The following EPX variants were observed in gnomAD, a reference collection of about 807,000 sequenced individuals.
The protein encoded by EPX is eosinophil peroxidase.
Under a neutral mutation model 73.0 loss-of-function variants are expected in EPX, and 60 were observed. That is an observed-to-expected ratio of 0.82 (90% CI 0.67 to 1.02). The LOEUF is 1.02. Among genes scored for constraint, EPX ranks in the 50% least tolerant of loss-of-function variants. The pLI is 0.00. For missense variants in EPX, 950 were observed against 973.9 expected (o/e 0.98, Z 0.33); for synonymous variants, 347 against 389.2 (o/e 0.89, Z 1.28).
Position 58,193,776 on chromosome 17 carries a change from C to G in EPX, c.409C>G (p.Gln137Glu), listed in dbSNP as rs563560397. The G allele has an allele frequency of 1.5e-5, 24 of 1,613,050 alleles. No homozygotes were observed. In the Admixed American group the frequency reaches 2.8e-4, roughly 19 times the overall value. Reference sequence around the variant, plus strand: ...GGCCAGTGGCTGTGCTCTCCGGGACCAGGCCGAGCGCTGCAGCGACAAGTA... The same window carrying G: ...GGCCAGTGGCTGTGCTCTCCGGGACGAGGCCGAGCGCTGCAGCGACAAGTA... ...SQASGCALRDQAERCSDKYRT... is the reference protein window; with the variant it reads ...SQASGCALRDEAERCSDKYRT... Residue 137 changes from glutamine to glutamate, a missense_variant, in exon 4 of 13, where the codon CAG becomes GAG. Coordinates refer to ENST00000225371, the MANE Select transcript of EPX (RefSeq NM_000502.6).
chr17:58,200,814 C>T (rs1169279460), intron 10 of EPX, among the ~76,000 whole-genome samples: 6 of 152,168 alleles, frequency 3.9e-5, no homozygotes, highest in African/African-American at 1.4e-4. Flanking sequence ...GGCAAAGAGC[C>T]TTAGAGGCAG....
intron 7 of EPX, 101 bp downstream of exon 7, chr17:58,197,358 A>G: frequency 7.2e-7 from 1 of 1,397,774 alleles, no homozygotes; most frequent in Admixed American, 1.8e-5. Context: ...ATGGTTTGGG[A>G]CCTCAGTATT....
intron 10 of EPX, among the ~76,000 whole-genome samples, chr17:58,201,873 C>A (rs1597969115): frequency 6.6e-6 from 1 of 152,280 alleles, no homozygotes; most frequent in East Asian, 1.9e-4. Context: ...GAGCTGAGAT[C>A]GCTAGCCACC....
chr17:58,195,222 C>A, intron 6 of EPX, 52 bp downstream of exon 6: 1 of 1,432,814 alleles, frequency 7.0e-7, no homozygotes, highest in Non-Finnish European at 9.8e-7. Flanking sequence ...CCCCCAAAGG[C>A]AAGGTGCTGG....
rs1316707843 is a variant in EPX at position 58,197,132 on chromosome 17, T to C, written c.995T>C (p.Leu332Pro). 3 of 1,614,170 alleles carry C rather than the reference T, an allele frequency of 1.9e-6. No individual in the cohort carries two copies. Among genetic ancestry groups the C allele is most frequent in the South Asian group, 1.1e-5 (1 of 91,082 alleles). Residue 332 changes from leucine to proline, a missense_variant, in exon 7 of 13, where the codon CTG (leucine) becomes CCG (proline). By Grantham distance (98) the Leu-to-Pro change is moderately conservative. Transcript: ENST00000225371. ...SLRLRNRTNYLGLLAINQRFQ... is the reference protein window; with the variant it reads ...SLRLRNRTNYPGLLAINQRFQ... ...CGGCTCCGCAACCGGACCAACTACC[T>C]GGGGCTGCTGGCCATCAACCAGCGC...
rs186927462 is a variant in EPX, at chr17:58,197,010, C to T, written c.873C>T (p.Cys291=). 237 of 1,614,126 alleles carry T rather than the reference C, an allele frequency of 1.5e-4. No homozygotes were observed. The highest frequency in any genetic ancestry group is 1.9e-4 in the Non-Finnish European group (226 of 1,180,006). ...CTTTCTTCCGCTCGGCACCCTCATGCCCCCAAAACAAGAACAGAGTCCGCA... is the reference window on the plus strand; with the variant it reads ...CTTTCTTCCGCTCGGCACCCTCATGTCCCCAAAACAAGAACAGAGTCCGCA... ...CIPFFRSAPS[C]PQNKNRVRNQ... The change falls in exon 7 of 13, where the codon TGC becomes TGT. Residue 291 remains cysteine, a synonymous_variant. Coordinates refer to ENST00000225371, the MANE Select transcript of EPX (RefSeq NM_000502.6).
intron 2 of EPX, 71 bp from the exon 3 acceptor site, chr17:58,193,300 C>A: frequency 6.7e-7 from 1 of 1,492,660 alleles, no homozygotes; most frequent in Non-Finnish European, 9.3e-7. Flanking sequence ...CCTGACTGTG[C>A]CCCAGGACTG....
chr17:58,199,588 C>T lies in EPX; in HGVS notation c.1331C>T (p.Ala444Val). 1 of 1,614,162 alleles carries T rather than the reference C, an allele frequency of 6.2e-7. No homozygotes were observed. The highest frequency in any genetic ancestry group is 8.5e-7 in the Non-Finnish European group (1 of 1,180,006). ...CCCCTGGTTCTGGGCAAGGCCCGGG[C>T]CAGGAGAACCCTGGGGCACTACAGG... ...FLPLVLGKARARRTLGHYRGY... is the reference protein window; with the variant it reads ...FLPLVLGKARVRRTLGHYRGY... The change falls in exon 9 of 13, where the codon GCC (alanine) becomes GTC (valine). Residue 444 changes from alanine (A) to valine (V), a missense_variant. Coordinates refer to ENST00000225371, the MANE Select transcript of EPX (RefSeq NM_000502.6).
chr17:58,197,210 CCT>C lies in EPX; in HGVS notation c.1074_1075del (p.Cys359SerfsTer16). ...CCCTTCGACAACCTGCACGATGACCCCTGTCTCCTCACCAACCGCTCGGCGCG... is the reference window on the plus strand; with the variant it reads ...CCCTTCGACAACCTGCACGATGACCCGTCTCCTCACCAACCGCTCGGCGCG... On this transcript the variant is annotated frameshift_variant, in exon 7 of 13. Coordinates refer to ENST00000225371, the MANE Select transcript of EPX (RefSeq NM_000502.6). LOFTEE classifies it high-confidence loss of function. 6.8e-6 allele frequency: 11 copies of C among 1,613,552 alleles called. No homozygotes were observed. The highest frequency in any genetic ancestry group is 2.2e-5 in the South Asian group (2 of 91,088).
intron 5 of EPX, 44 bp downstream of exon 5, chr17:58,194,136 A>T: frequency 6.2e-7 from 1 of 1,604,656 alleles, no homozygotes. Context: ...GATCTCTTAA[A>T]TGCGGGGAGT....
In EPX at chr17:58,193,410, G is replaced by A. The variant is rs947901575; in HGVS notation, c.210G>A (p.Met70Ile). 6.2e-7 allele frequency: 1 copy of A among 1,614,236 alleles called. No individual in the cohort carries two copies. Among genetic ancestry groups the A allele is most frequent in the Non-Finnish European group, 8.5e-7 (1 of 1,180,036 alleles). Residue 70 changes from methionine (M) to isoleucine (I), a missense_variant, in exon 3 of 13, where the codon ATG becomes ATA. Met to Ile is a conservative substitution (Grantham distance 10). Coordinates refer to ENST00000225371, the MANE Select transcript of EPX (RefSeq NM_000502.6). Reference protein sequence around the residue: ...QRLRSGSASPMDLLSYFKQPV... With the variant: ...QRLRSGSASPIDLLSYFKQPV... ...TTCGCAGCGGTTCAGCCAGCCCCAT[G>A]GACCTCCTGTCCTACTTCAAACAAC...
rs1968397306 is a variant in EPX at position 58,204,340 on chromosome 17, T to G, written c.2065T>G (p.Phe689Val). The G allele has an allele frequency of 1.9e-6, 3 of 1,614,028 alleles. No individual in the cohort carries two copies. The East Asian group carries it at 6.7e-5, about 36-fold the overall frequency. The change falls in exon 12 of 13, where the codon TTC (phenylalanine) becomes GTC (valine). Residue 689 changes from phenylalanine (F) to valine (V), a missense_variant. Physicochemically the swap from Phe to Val is conservative, Grantham distance 50 (BLOSUM62 -1). Transcript: ENST00000225371. ...TGITTVSRDIFRANIYPRGFV... is the reference protein window; with the variant it reads ...TGITTVSRDIVRANIYPRGFV... ...TATCACCACGGTTTCAAGGGACATC[T>G]TCAGAGCCAACATCTACCCTCGGGG...
At chr17:58,199,270 C>G (rs1006638431) in intron 8 of EPX, 70 bp downstream of exon 8, 44 of 1,528,840 alleles carry the variant, frequency 2.9e-5, no homozygotes, top group Non-Finnish European at 4.0e-5. Context: ...TTAACACATC[C>G]TTGCGGATGT....
At chr17:58,202,981 A>G (rs1051488951) in intron 10 of EPX, 100 bp from the exon 11 acceptor site, 3 of 873,068 alleles carry the variant, frequency 3.4e-6, no homozygotes, top group African/African-American at 3.3e-5. Flanking sequence ...TCTGCCCAAT[A>G]TTGACTGGCC....
intron 9 of EPX, 133 bp downstream of exon 9, chr17:58,199,927 A>G (rs1968316918): frequency 4.9e-6 from 5 of 1,021,260 alleles, no homozygotes; most frequent in Admixed American, 2.5e-5. Flanking sequence ...GACAGTGGAA[A>G]CAAGGCAGGT....
rs1597965753 is a variant in EPX, at chr17:58,194,969, G to A, written c.600G>A (p.Arg200=). The change falls in exon 6 of 13, where the codon CGG becomes CGA. Residue 200 remains arginine, a synonymous_variant. Coordinates refer to ENST00000225371, the MANE Select transcript of EPX (RefSeq NM_000502.6). Reference sequence around the variant, plus strand: ...TGATGTTATTTCCCCACCAGGTCCGGGCTGTCTCCAACCAGATTGTGCGCT... The same window carrying A: ...TGATGTTATTTCCCCACCAGGTCCGAGCTGTCTCCAACCAGATTGTGCGCT... The part of the protein sequence containing the change: ...RRNGFLLPLV[R]AVSNQIVRFP... 6.2e-7 allele frequency: 1 copy of A among 1,613,860 alleles called. No individual in the cohort carries two copies. Among genetic ancestry groups the A allele is most frequent in the Non-Finnish European group, 8.5e-7 (1 of 1,179,762 alleles).
chr17:58,193,301 C>T, intron 2 of EPX, 70 bp from the exon 3 acceptor site: 3 of 1,507,526 alleles, frequency 2.0e-6, no homozygotes, highest in Non-Finnish European at 2.8e-6. Flanking sequence ...CTGACTGTGC[C>T]CCAGGACTGG....
chr17:58,200,322 T>G lies in EPX; in HGVS notation c.1635T>G (p.Phe545Leu), dbSNP rs775039123. 36 of 1,614,102 alleles carry G rather than the reference T, an allele frequency of 2.2e-5. No homozygotes were observed. The highest frequency in any genetic ancestry group is 3.0e-5 in the Non-Finnish European group (35 of 1,180,048). Residue 545 changes from phenylalanine (F) to leucine (L), a missense_variant, in exon 10 of 13, where the codon TTT becomes TTG. Phe to Leu is a conservative substitution (Grantham distance 22). Transcript: ENST00000225371. ...TGGATGAGCTCCGGGACCGGCTGTT[T>G]CGGCAAGTGAGGAGGATTGGGCTGG... is the stretch of plus-strand genomic sequence containing the variant. ...MLVDELRDRL[F>L]RQVRRIGLDL...
chr17:58,195,910 A>G (rs1016442129), intron 6 of EPX, among the ~76,000 whole-genome samples: 1 of 151,454 alleles, frequency 6.6e-6, no homozygotes, highest in Non-Finnish European at 1.5e-5. Context: ...CACTTTTAAC[A>G]TATGTCCTCC....
Sources: gnomAD v4.1 joint callset for allele counts (sites outside exome capture counted in the v4.1 genomes callset) on GRCh38, gnomAD v4.1.1 for gene constraint, MANE v1.5 for transcripts, NCBI Gene and HGNC (gene_info 2026-07-23, HGNC 2026-07-21) for gene names.